KHDRBS2: variants seen among roughly 807,000 people sequenced by gnomAD.
KHDRBS2 encodes KH domain-containing, RNA-binding, signal transduction-associated protein 2.
Under a neutral mutation model 44.3 loss-of-function variants are expected in KHDRBS2, and 26 were observed. That is an observed-to-expected ratio of 0.59 (90% CI 0.43 to 0.81). KHDRBS2 has a LOEUF of 0.81. Among genes scored for constraint, KHDRBS2 ranks in the 40% least tolerant of loss-of-function variants. The probability of loss-of-function intolerance (pLI) is 0.00; values close to 1 mark genes in which losing one functional copy is unlikely to be tolerated. For missense variants in KHDRBS2, 476 were observed against 433.1 expected, an observed-to-expected ratio of 1.10 and a Z score of -0.88; for synonymous variants, 194 against 151.1, an observed-to-expected ratio of 1.28 and a Z score of -2.08.
At chr6:62,216,808 C>T (rs1323783771) in intron 1 of KHDRBS2, among the ~76,000 whole-genome samples, 7 of 149,916 alleles carry the variant, frequency 4.7e-5, no homozygotes, top group African/African-American at 9.8e-5. Flanking sequence ...TAGATCACTT[C>T]GGTGAGATAC....
intron 1 of KHDRBS2, among the ~76,000 whole-genome samples, chr6:62,244,108 A>G (rs1421278758): frequency 6.6e-6 from 1 of 152,128 alleles, no homozygotes; most frequent in Non-Finnish European, 1.5e-5. Context: ...CTGCTACTTT[A>G]AAAAAGATTC....
At chr6:61,996,700 T>C (rs1423773850) in intron 3 of KHDRBS2, among the ~76,000 whole-genome samples, 1 of 152,196 alleles carries the variant, frequency 6.6e-6, no homozygotes, top group African/African-American at 2.4e-5. Flanking sequence ...TTGCTCTTTT[T>C]GAGTCACATA....
intron 2 of KHDRBS2, among the ~76,000 whole-genome samples, chr6:62,102,709 T>C (rs1408004512): frequency 1.3e-5 from 2 of 152,148 alleles, no homozygotes; most frequent in Admixed American, 1.3e-4. Flanking sequence ...AAGACTATAG[T>C]GTTATAGCAA....
At chr6:61,808,212 T>A (rs1787478845) in intron 6 of KHDRBS2, among the ~76,000 whole-genome samples, 1 of 152,120 alleles carries the variant, frequency 6.6e-6, no homozygotes, top group Non-Finnish European at 1.5e-5. Flanking sequence ...ATGAAACTGA[T>A]TAATCTTAAA....
At chr6:62,204,822 A>G (rs1827669439) in intron 1 of KHDRBS2, among the ~76,000 whole-genome samples, 1 of 152,008 alleles carries the variant, frequency 6.6e-6, no homozygotes, top group African/African-American at 2.4e-5. Context: ...GGTCCTCACT[A>G]TATGCAGGTT....
At chr6:61,662,139 C>T in the KHDRBS2 span, among the ~76,000 whole-genome samples, 475 of 150,278 alleles carry the variant, frequency 3.2e-3, 4 homozygotes, top group African/African-American at 0.011. Flanking sequence ...GAAAAACAAG[C>T]AATGGGGAAA....
chr6:62,074,404 C>T (rs770056901), intron 2 of KHDRBS2, among the ~76,000 whole-genome samples: 40 of 151,920 alleles, frequency 2.6e-4, no homozygotes, highest in Non-Finnish European at 5.7e-4. Context: ...TTAAGATGGT[C>T]TTTGTGACTA....
At position 62,220,184 on chromosome 6, in the gene KHDRBS2, G is replaced by A. The variant is rs375975406; in HGVS notation, c.92-42872C>T. 6.6e-5 allele frequency among the ~76,000 whole-genome samples: 10 copies of A among 151,592 alleles called. No individual in the cohort carries two copies. The East Asian group carries it at 1.9e-3, about 29-fold the overall frequency. On this transcript the variant is annotated intron_variant, in intron 1 of 8. Coordinates refer to ENST00000281156, the MANE Select transcript of KHDRBS2 (RefSeq NM_152688.4). ...TACAATCTAGAATTCTATACAAAATGAAAATCTTTCAAAAATGAAGGTGAA... is the reference window on the plus strand; with the variant it reads ...TACAATCTAGAATTCTATACAAAATAAAAATCTTTCAAAAATGAAGGTGAA...
chr6:61,813,869 T>A (rs536927992), intron 6 of KHDRBS2: 122 of 455,218 alleles, frequency 2.7e-4, no homozygotes, highest in Non-Finnish European at 5.0e-4. Context: ...GAAGTAGTAG[T>A]ATGACACACA....
chr6:61,952,869 C>T (rs1273350939), intron 4 of KHDRBS2, among the ~76,000 whole-genome samples: 2 of 152,052 alleles, frequency 1.3e-5, no homozygotes, highest in Non-Finnish European at 2.9e-5. Context: ...CAACTCACAA[C>T]ACACATTATC....
chr6:61,558,290 A>G, the KHDRBS2 span, among the ~76,000 whole-genome samples: 4 of 152,200 alleles, frequency 2.6e-5, no homozygotes, highest in East Asian at 5.8e-4. Context: ...GGCTGGGTGC[A>G]GTGGCTCACA....
chr6:62,037,359 A>G (rs1785498450), intron 3 of KHDRBS2, among the ~76,000 whole-genome samples: 1 of 151,894 alleles, frequency 6.6e-6, no homozygotes, highest in Non-Finnish European at 1.5e-5. Context: ...TGTTGCTGAG[A>G]AAACAAAAAT....
chr6:61,626,309 A>G, the KHDRBS2 span, among the ~76,000 whole-genome samples: 1 of 152,172 alleles, frequency 6.6e-6, no homozygotes. Context: ...GATACATGTG[A>G]GTATTGTTGC....
chr6:61,884,145 A>T (rs1800587406), intron 6 of KHDRBS2, among the ~76,000 whole-genome samples: 1 of 152,048 alleles, frequency 6.6e-6, no homozygotes. Context: ...ACTTTTAAGG[A>T]CTATTGATTT....
intron 6 of KHDRBS2, among the ~76,000 whole-genome samples, chr6:61,808,770 T>TA (rs1787600202): frequency 6.6e-6 from 1 of 152,122 alleles, no homozygotes; most frequent in African/African-American, 2.4e-5. Flanking sequence ...TACAGGAATG[T>TA]AAAAAATACA....
At chr6:61,617,868 C>G in the KHDRBS2 span, among the ~76,000 whole-genome samples, 4 of 152,038 alleles carry the variant, frequency 2.6e-5, no homozygotes, top group Admixed American at 1.3e-4. Context: ...TTTACTTAAC[C>G]TTTGGATTTT....
the KHDRBS2 span, among the ~76,000 whole-genome samples, chr6:61,560,962 A>G: frequency 6.6e-6 from 1 of 152,072 alleles, no homozygotes; most frequent in Non-Finnish European, 1.5e-5. Flanking sequence ...CTTCTTAGGA[A>G]AGCTTTTCAG....
At chr6:62,229,009 C>T (rs895159226) in intron 1 of KHDRBS2, among the ~76,000 whole-genome samples, 2 of 152,150 alleles carry the variant, frequency 1.3e-5, no homozygotes, top group Admixed American at 6.5e-5. Flanking sequence ...ATCTGTTTAA[C>T]AAAGCACTTT....
At chr6:62,129,718 T>A (rs990528856) in intron 2 of KHDRBS2, among the ~76,000 whole-genome samples, 8 of 151,090 alleles carry the variant, frequency 5.3e-5, no homozygotes, top group Non-Finnish European at 1.0e-4. Flanking sequence ...AGCATTAAAA[T>A]TTTTTTTTCA....
Sources: gnomAD v4.1 joint callset for allele counts (sites outside exome capture counted in the v4.1 genomes callset) on GRCh38, gnomAD v4.1.1 for gene constraint, MANE v1.5 for transcripts, NCBI Gene and HGNC (gene_info 2026-07-23, HGNC 2026-07-21) for gene names.